Variants in MAF observed in about 807,000 individuals in gnomAD.
MAF encodes transcription factor Maf.
Under a neutral mutation model 22.0 loss-of-function variants are expected in MAF, and 10 were observed. The observed-to-expected ratio is 0.45, with a 90% confidence interval of 0.28 to 0.77. MAF has a LOEUF of 0.77. Ranked by LOEUF, MAF falls within the 30% of genes least tolerant of loss-of-function variation. The pLI is 0.12. For missense variants in MAF, 544 were observed against 548.4 expected, an observed-to-expected ratio of 0.99 and a Z score of 0.08; for synonymous variants, 337 against 255.8, an observed-to-expected ratio of 1.32 and a Z score of -3.03.
the MAF span, among the ~76,000 whole-genome samples, chr16:79,374,331 C>G: frequency 6.6e-6 from 1 of 152,116 alleles, no homozygotes; most frequent in African/African-American, 2.4e-5. Flanking sequence ...CTTATCTTAC[C>G]TTCTGCATCC....
At chr16:79,247,621 T>C in the MAF span, among the ~76,000 whole-genome samples, 3 of 152,206 alleles carry the variant, frequency 2.0e-5, no homozygotes, top group African/African-American at 7.2e-5. Context: ...AAGTAATGGG[T>C]GGCTATTTGC....
At chr16:79,404,115 AT>A in the MAF span, among the ~76,000 whole-genome samples, 30 of 150,490 alleles carry the variant, frequency 2.0e-4, no homozygotes, top group African/African-American at 7.1e-4. Context: ...ACCAGTGAAG[AT>A]GTCCGATTTG....
the MAF span, among the ~76,000 whole-genome samples, chr16:79,561,578 G>A: frequency 1.3e-5 from 2 of 149,872 alleles, no homozygotes; most frequent in African/African-American, 2.5e-5. Flanking sequence ...TTGGTTTTTT[G>A]TCCTTGCGAT....
At chr16:79,225,987 T>G in the MAF span, among the ~76,000 whole-genome samples, 2 of 152,326 alleles carry the variant, frequency 1.3e-5, no homozygotes, top group East Asian at 3.9e-4. Flanking sequence ...CTCAAGGATC[T>G]AGAACTAGAA....
chr16:79,474,961 A>C, the MAF span, among the ~76,000 whole-genome samples: 1 of 152,210 alleles, frequency 6.6e-6, no homozygotes, highest in Non-Finnish European at 1.5e-5. Flanking sequence ...ACAGAGATCA[A>C]AGAACCTCCC....
At chr16:79,513,821 G>T in the MAF span, among the ~76,000 whole-genome samples, 1 of 152,134 alleles carries the variant, frequency 6.6e-6, no homozygotes, top group African/African-American at 2.4e-5. Context: ...TTCCAACCCA[G>T]TGAAGGCTGT....
chr16:79,579,288 A>ATCCT, the MAF span, among the ~76,000 whole-genome samples: 3 of 152,222 alleles, frequency 2.0e-5, no homozygotes, highest in Non-Finnish European at 4.4e-5. Flanking sequence ...CCATCAATGT[A>ATCCT]TCCTTGTACT....
the MAF span, among the ~76,000 whole-genome samples, chr16:79,403,417 G>A: frequency 1.3e-5 from 2 of 152,166 alleles, no homozygotes; most frequent in East Asian, 1.9e-4. Flanking sequence ...AGCCTCAAAC[G>A]CAGAAAGGTC....
the MAF span, among the ~76,000 whole-genome samples, chr16:79,221,697 G>C: frequency 6.6e-6 from 1 of 152,030 alleles, no homozygotes; most frequent in Non-Finnish European, 1.5e-5. Flanking sequence ...ACATGTGCAT[G>C]AGTGTATGTG....
chr16:79,329,616 C>A, the MAF span, among the ~76,000 whole-genome samples: 3 of 152,146 alleles, frequency 2.0e-5, no homozygotes, highest in African/African-American at 7.2e-5. Context: ...TGGTTCATAT[C>A]AGTCACGGTG....
the MAF span, among the ~76,000 whole-genome samples, chr16:79,303,600 T>A: frequency 6.6e-6 from 1 of 152,210 alleles, no homozygotes; most frequent in Non-Finnish European, 1.5e-5. Flanking sequence ...ACCCAGTGCC[T>A]ACGAATGGCT....
the MAF span, among the ~76,000 whole-genome samples, chr16:79,265,750 C>T: frequency 2.0e-5 from 3 of 152,230 alleles, no homozygotes. Context: ...AGAACTTTCA[C>T]CTTTTCCCCT....
chr16:79,572,442 A>T, the MAF span, among the ~76,000 whole-genome samples: 3 of 152,244 alleles, frequency 2.0e-5, no homozygotes, highest in Non-Finnish European at 2.9e-5. Context: ...CCGCTGCCAC[A>T]GCTCAATGAA....
the MAF span, among the ~76,000 whole-genome samples, chr16:79,247,702 TG>T: frequency 6.6e-6 from 1 of 152,150 alleles, no homozygotes; most frequent in Non-Finnish European, 1.5e-5. Flanking sequence ...GGCATCTTCC[TG>T]GAAGCCTTTG....
chr16:79,213,372 C>A, the MAF span, among the ~76,000 whole-genome samples: 2 of 152,308 alleles, frequency 1.3e-5, no homozygotes, highest in Non-Finnish European at 2.9e-5. Context: ...GTCTTCCTTA[C>A]GTAATCCTTA....
the MAF span, among the ~76,000 whole-genome samples, chr16:79,437,146 C>CTG: frequency 1.4e-4 from 14 of 99,200 alleles, no homozygotes; most frequent in South Asian, 3.0e-4. Flanking sequence ...CTCTCTCTCT[C>CTG]TGTGTGTGTG....
chr16:79,572,833 G>A, the MAF span, among the ~76,000 whole-genome samples: 1 of 152,150 alleles, frequency 6.6e-6, no homozygotes, highest in Non-Finnish European at 1.5e-5. Context: ...GTGCTGTATT[G>A]AATTAAAATT....
At chr16:79,283,418 C>T in the MAF span, among the ~76,000 whole-genome samples, 1 of 152,320 alleles carries the variant, frequency 6.6e-6, no homozygotes, top group Non-Finnish European at 1.5e-5. Context: ...AAGTTCTCCT[C>T]ATTCTAGAGC....
chr16:79,396,279 C>G, the MAF span, among the ~76,000 whole-genome samples: 1 of 152,148 alleles, frequency 6.6e-6, no homozygotes, highest in South Asian at 2.1e-4. Flanking sequence ...TGGACCAAGC[C>G]TTGTGAGTCA....
Sources: allele counts gnomAD v4.1 joint callset (sites outside exome capture counted in the v4.1 genomes callset), GRCh38; gene constraint gnomAD v4.1.1; transcripts MANE v1.5; gene names NCBI Gene and HGNC (gene_info 2026-07-23, HGNC 2026-07-21).